Variants in TBC1D5 observed in about 807,000 individuals in gnomAD.
TBC1D5 encodes TBC1 domain family member 5.
A neutral mutation model predicts 100.3 loss-of-function variants in TBC1D5; 75 were observed. That is an observed-to-expected ratio of 0.75 (90% confidence interval 0.62 to 0.91). TBC1D5 has a LOEUF of 0.91. Ranked by LOEUF, TBC1D5 falls within the 40% of genes least tolerant of loss-of-function variation. The probability of loss-of-function intolerance (pLI) is 0.00; values close to 1 mark genes in which losing one functional copy is unlikely to be tolerated. For synonymous variants in TBC1D5, 323 were observed against 325.6 expected (o/e 0.99, Z 0.09); for missense variants, 910 against 942.4 (o/e 0.97, Z 0.45).
At chr3:17,204,959 A>G (rs1237186998) in intron 18 of TBC1D5, among the ~76,000 whole-genome samples, 1 of 152,096 alleles carries the variant, frequency 6.6e-6, no homozygotes, top group Non-Finnish European at 1.5e-5. Flanking sequence ...TATATAGTCT[A>G]CTCTTCCTGA....
At chr3:17,194,534 AT>A (rs1444478068) in intron 18 of TBC1D5, among the ~76,000 whole-genome samples, 1 of 152,234 alleles carries the variant, frequency 6.6e-6, no homozygotes, top group African/African-American at 2.4e-5. Context: ...AATTAATTTT[AT>A]TGGATTATGC....
chr3:17,422,915 C>T (rs957835838), intron 4 of TBC1D5, among the ~76,000 whole-genome samples: 14 of 152,112 alleles, frequency 9.2e-5, no homozygotes, highest in South Asian at 2.1e-4. Context: ...AGCTTGAAGC[C>T]TAATTTTTCA....
At chr3:17,451,885 C>T (rs571755751) in intron 3 of TBC1D5, among the ~76,000 whole-genome samples, 34 of 151,714 alleles carry the variant, frequency 2.2e-4, no homozygotes, top group Non-Finnish European at 3.7e-4. Flanking sequence ...GGACCACCAT[C>T]GCACTCCAGC....
chr3:17,605,391 T>C (rs1158046705), intron 2 of TBC1D5, among the ~76,000 whole-genome samples: 3 of 152,212 alleles, frequency 2.0e-5, no homozygotes, highest in Non-Finnish European at 2.9e-5. Flanking sequence ...TTAGCTGAAC[T>C]CAGTCATAAG....
intron 13 of TBC1D5, among the ~76,000 whole-genome samples, chr3:17,323,265 G>A (rs534185395): frequency 6.6e-6 from 1 of 152,318 alleles, no homozygotes; most frequent in East Asian, 1.9e-4. Flanking sequence ...CTCATATCGT[G>A]AGGCCAGCAT....
At chr3:17,231,328 T>C (rs1439454941) in intron 17 of TBC1D5, among the ~76,000 whole-genome samples, 1 of 152,118 alleles carries the variant, frequency 6.6e-6, no homozygotes, top group Non-Finnish European at 1.5e-5. Context: ...TGGTGTGTGA[T>C]TGCAACCTAC....
intron 9 of TBC1D5, among the ~76,000 whole-genome samples, chr3:17,380,091 A>G (rs1027331381): frequency 5.4e-4 from 53 of 98,612 alleles, no homozygotes; most frequent in Admixed American, 2.9e-3. Context: ...GTGTGTGTGT[A>G]TACACATCCA....
At chr3:17,621,905 A>C (rs1378743425) in intron 2 of TBC1D5, among the ~76,000 whole-genome samples, 7 of 152,144 alleles carry the variant, frequency 4.6e-5, no homozygotes, top group African/African-American at 1.7e-4. Flanking sequence ...ATTCAACTGA[A>C]ATGTTTAATT....
chr3:17,364,113 T>G (rs1274376770), intron 13 of TBC1D5, among the ~76,000 whole-genome samples: 1 of 152,024 alleles, frequency 6.6e-6, no homozygotes, highest in Non-Finnish European at 1.5e-5. Flanking sequence ...TCTTACAAAA[T>G]CTATCGTCAT....
intron 16 of TBC1D5, among the ~76,000 whole-genome samples, chr3:17,254,396 T>C (rs2077443762): frequency 6.6e-6 from 1 of 152,226 alleles, no homozygotes; most frequent in Admixed American, 6.5e-5. Flanking sequence ...TTTTTTATTT[T>C]ATTTTATCCA....
chr3:17,606,397 C>A (rs1188652599), intron 2 of TBC1D5, among the ~76,000 whole-genome samples: 4 of 152,050 alleles, frequency 2.6e-5, no homozygotes, highest in African/African-American at 4.8e-5. Context: ...CTGCAGTGAG[C>A]GGTGATTGCA....
intron 2 of TBC1D5, among the ~76,000 whole-genome samples, chr3:17,593,231 A>G (rs1054545418): frequency 1.1e-4 from 16 of 152,176 alleles, no homozygotes; most frequent in African/African-American, 3.9e-4. Context: ...TTTAATAATC[A>G]AGTGGCTAAG....
At chr3:17,728,792 T>C (rs970188121) in intron 1 of TBC1D5, among the ~76,000 whole-genome samples, 2 of 151,932 alleles carry the variant, frequency 1.3e-5, no homozygotes, top group Admixed American at 6.6e-5. Flanking sequence ...CAATTAAGTG[T>C]TAACAGTTTT....
intron 1 of TBC1D5, among the ~76,000 whole-genome samples, chr3:17,736,435 T>C (rs1002092340): frequency 2.0e-5 from 3 of 152,148 alleles, no homozygotes; most frequent in Non-Finnish European, 4.4e-5. Flanking sequence ...CATCTATTTA[T>C]AAAAATGAGC....
chr3:17,340,770 G>A (rs11713917), intron 13 of TBC1D5: 59,606 of 151,944 alleles, frequency 0.39, 12,397 homozygotes, highest in Middle Eastern at 0.5. Context: ...GGGTGGGGAG[G>A]ACTAGCTTCC....
In TBC1D5 at chr3:17,702,173, A is replaced by G. The variant is rs903373076; in HGVS notation, c.-101+37170T>C. ...TCTTCAATGTGAGGTGAGCTATATA[A>G]TACTTTGGCATACTCTACCTGTCAA... On this transcript the variant is annotated intron_variant, in intron 1 of 21. Coordinates refer to ENST00000253692, the Ensembl canonical transcript of TBC1D5. 6 of 152,266 alleles carry G rather than the reference A, an allele frequency of 3.9e-5. No individual in the cohort carries two copies. In the South Asian group the frequency reaches 1.0e-3, roughly 26 times the overall value. 9.4% of individuals were successfully genotyped at this position (152,266 alleles called of 1,614,324 possible).
intron 2 of TBC1D5, among the ~76,000 whole-genome samples, chr3:17,598,688 A>G (rs1474655649): frequency 2.0e-5 from 3 of 152,240 alleles, no homozygotes; most frequent in Non-Finnish European, 4.4e-5. Flanking sequence ...TCATTCTGGA[A>G]TTCTGAGGAT....
chr3:17,494,019 A>C (rs909552586), intron 3 of TBC1D5, among the ~76,000 whole-genome samples: 1 of 152,198 alleles, frequency 6.6e-6, no homozygotes, highest in Non-Finnish European at 1.5e-5. Context: ...ACTAGTTTTC[A>C]GCGTTTTTGC....
At chr3:17,357,828 A>G (rs1301323138) in intron 13 of TBC1D5, among the ~76,000 whole-genome samples, 1 of 152,220 alleles carries the variant, frequency 6.6e-6, no homozygotes, top group African/African-American at 2.4e-5. Context: ...TTTGGTTGCA[A>G]TGAATGAAGA....
Sources: gnomAD v4.1 joint callset for allele counts (sites outside exome capture counted in the v4.1 genomes callset) on GRCh38, gnomAD v4.1.1 for gene constraint, MANE v1.5 for transcripts, NCBI Gene and HGNC (gene_info 2026-07-23, HGNC 2026-07-21) for gene names.